Variants in SGSM3 observed in about 807,000 individuals in gnomAD.
SGSM3 encodes small G protein signaling modulator 3.
A neutral mutation model predicts 100.5 loss-of-function variants in SGSM3; 96 were observed. That is an observed-to-expected ratio of 0.96 (90% CI 0.81 to 1.13). The LOEUF is 1.13. Ranked by LOEUF, SGSM3 falls within the 50% of genes most tolerant of loss-of-function variation. SGSM3 has a pLI of 0.00. For synonymous variants in SGSM3, 483 were observed against 422.8 expected (o/e 1.14, Z -1.75); for missense variants, 1,001 against 1,015.8 (o/e 0.99, Z 0.20).
Position 40,399,221 on chromosome 22 carries a change from A to G in SGSM3, c.-111-1475A>G, listed in dbSNP as rs9607713. Among the ~76,000 whole-genome samples the G allele has an allele frequency of 5.1e-5, 5 of 98,048 alleles. 1 individual carries two copies. The highest frequency in any genetic ancestry group is 1.5e-4 in the Admixed American group (1 of 6,526). 64.3% of individuals were successfully genotyped at this position (98,048 alleles called of 152,430 possible). A position where few individuals can be genotyped will look rare whatever the true frequency, so the allele number is the denominator to read the frequency against. ...AGCTGGTCTCAAACTCCTGGCCTCA[A>G]GTGATCCGCCCACCTCAGCCTCCCA... On this transcript the variant is annotated intron_variant, in intron 1 of 21. Transcript: ENST00000248929.
At chr22:40,392,884 C>G (rs1329780788) in intron 1 of SGSM3, among the ~76,000 whole-genome samples, 1 of 152,156 alleles carries the variant, frequency 6.6e-6, no homozygotes, top group East Asian at 1.9e-4. Flanking sequence ...TACTTTCAGT[C>G]TTTATGGATT....
At chr22:40,405,393 C>T in intron 7 of SGSM3, 109 bp downstream of exon 7, 1 of 1,155,936 alleles carries the variant, frequency 8.7e-7, no homozygotes, top group Non-Finnish European at 1.2e-6. Flanking sequence ...TCCTCCAGGA[C>T]CCCTAACAAG....
chr22:40,392,482 G>C (rs2049489928), intron 1 of SGSM3, among the ~76,000 whole-genome samples: 1 of 152,012 alleles, frequency 6.6e-6, no homozygotes, highest in South Asian at 2.1e-4. Context: ...CCTTGGTTTT[G>C]TATAAGCATT....
chr22:40,410,116 CCTGTCTTCTGTGCAGCTAG>C lies in SGSM3; in HGVS notation c.*358_*376del, dbSNP rs1342363853. 5.2e-6 allele frequency: 6 copies of C among 1,152,624 alleles called. No individual in the cohort carries two copies. The South Asian group carries it at 9.3e-5, about 18-fold the overall frequency. The allele number at this position is 1,152,624 out of a possible 1,614,324, so 71.4% of individuals were successfully genotyped here. A position where few individuals can be genotyped will look rare whatever the true frequency, so the allele number is the denominator to read the frequency against. The stretch of plus-strand genomic sequence containing the variant: ...GTGTCTGTCTTTGAGAAAGCACCTA[CCTGTCTTCTGTGCAGCTAG>C]GGCTGCAGAGCTGTATTCAGGTCCA... On this transcript the variant is annotated 3_prime_UTR_variant, in exon 22 of 22. Coordinates refer to ENST00000248929, the MANE Select transcript of SGSM3 (RefSeq NM_015705.6).
chr22:40,409,814 AAGCTGCAGAGCCCAGGGAAGAGC>A lies in SGSM3; in HGVS notation c.*60_*82del. 6.3e-7 allele frequency: 1 copy of A among 1,576,568 alleles called. No homozygotes were observed. The highest frequency in any genetic ancestry group is 8.6e-7 in the Non-Finnish European group (1 of 1,166,242). On this transcript the variant is annotated 3_prime_UTR_variant, in exon 22 of 22. Transcript: ENST00000248929. ...TGCGTCTGAGGTGGCCCAGGACCCC[AAGCTGCAGAGCCCAGGGAAGAGC>A]AGCTCCAGAGCCCTGGCCGGGGCCG...
Position 40,402,129 on chromosome 22 carries a change from C to T in SGSM3, c.91-10C>T. 1 of 1,611,996 alleles carries T rather than the reference C, an allele frequency of 6.2e-7. No individual in the cohort carries two copies. Reference sequence around the variant, plus strand: ...ACAGGCAACTGACTTCAACCTCATCCTGATTCTAGAAGGAAGAGTCAGCAG... The same window carrying T: ...ACAGGCAACTGACTTCAACCTCATCTTGATTCTAGAAGGAAGAGTCAGCAG... On this transcript the variant is annotated splice_polypyrimidine_tract_variant and intron_variant, in intron 3 of 21. Coordinates refer to ENST00000248929, the MANE Select transcript of SGSM3 (RefSeq NM_015705.6).
At chr22:40,370,910 CTGCGTCCTCCGG>C (rs963060221) in intron 1 of SGSM3, among the ~76,000 whole-genome samples, 6 of 152,220 alleles carry the variant, frequency 3.9e-5, no homozygotes, top group African/African-American at 1.4e-4. Flanking sequence ...GGGAGGTCGG[CTGCGTCCTCCGG>C]TGCGGCCGCC....
intron 1 of SGSM3, among the ~76,000 whole-genome samples, chr22:40,383,961 A>G (rs1204379475): frequency 6.6e-6 from 1 of 152,210 alleles, no homozygotes; most frequent in Non-Finnish European, 1.5e-5. Context: ...TAAAAGCAGG[A>G]GCCAAGGCCA....
rs1341308767 is a variant in SGSM3, at chr22:40,409,473, G to A, written c.2120G>A (p.Cys707Tyr). Residue 707 changes from cysteine (C) to tyrosine (Y), a missense_variant, in exon 21 of 22, where the codon TGC becomes TAC. Cys to Tyr is a radical substitution (Grantham distance 194). Coordinates refer to ENST00000248929, the MANE Select transcript of SGSM3 (RefSeq NM_015705.6). ...CCCTTCCTCACCTCTAGAGTCCTCT[G>A]CTGCTTTGCCTTCAGCCTCTCCCAG... Reference protein sequence around the residue: ...VQIKCELRVLCCFAFSLSQDW... With the variant: ...VQIKCELRVLYCFAFSLSQDW... 6.3e-7 allele frequency: 1 copy of A among 1,581,570 alleles called. No individual in the cohort carries two copies. Among genetic ancestry groups the A allele is most frequent in the East Asian group, 2.3e-5 (1 of 44,374 alleles).
intron 1 of SGSM3, among the ~76,000 whole-genome samples, chr22:40,375,039 A>G (rs753938456): frequency 6.6e-6 from 1 of 152,190 alleles, no homozygotes; most frequent in Non-Finnish European, 1.5e-5. Flanking sequence ...TAGGCTTACT[A>G]ATTTATGCTC....
At position 40,404,662 on chromosome 22, in the gene SGSM3, C is replaced by T; in HGVS notation, c.472C>T (p.Gln158Ter). 1 of 1,606,460 alleles carries T rather than the reference C, an allele frequency of 6.2e-7. No homozygotes were observed. Among genetic ancestry groups the T allele is most frequent in the Non-Finnish European group, 8.5e-7 (1 of 1,174,636 alleles). The change falls in exon 6 of 22, where the codon CAG becomes TAG. Residue 158 changes from glutamine (Q) to a stop codon, truncating the protein, a stop_gained and splice_region_variant. Transcript: ENST00000248929. LOFTEE classifies it high-confidence loss of function. ...SSNDETIAAKQIEKDLLRTMP... is the reference protein window; with the variant it reads ...SSNDETIAAK Reference sequence around the variant, plus strand: ...CAACGATGAGACCATCGCTGCCAAGCAGGTGAGGCCGGTGGCACTGTGCAG... The same window carrying T: ...CAACGATGAGACCATCGCTGCCAAGTAGGTGAGGCCGGTGGCACTGTGCAG...
At chr22:40,401,784 T>C in intron 3 of SGSM3, 109 bp downstream of exon 3, 1 of 859,336 alleles carries the variant, frequency 1.2e-6, no homozygotes, top group South Asian at 1.3e-5. Context: ...CACAGGGTTA[T>C]GAGTTCCCCA....
chr22:40,397,451 G>A (rs2050188014), intron 1 of SGSM3, among the ~76,000 whole-genome samples: 1 of 151,944 alleles, frequency 6.6e-6, no homozygotes, highest in African/African-American at 2.4e-5. Flanking sequence ...ATTTCTCAGT[G>A]TTCCCACCAT....
chr22:40,400,415 C>T (rs977656517), intron 1 of SGSM3, among the ~76,000 whole-genome samples: 7 of 151,812 alleles, frequency 4.6e-5, no homozygotes, highest in South Asian at 2.1e-4. Context: ...AGGCCGAGGC[C>T]GGCGGGATCA....
At chr22:40,394,645 C>CGAA (rs2049818620) in intron 1 of SGSM3, among the ~76,000 whole-genome samples, 2 of 84,132 alleles carry the variant, frequency 2.4e-5, no homozygotes, top group Non-Finnish European at 4.6e-5. Flanking sequence ...ACTCCTGTCT[C>CGAA]AAAAAAAAAA....
In SGSM3 at chr22:40,407,307, A is replaced by G. The variant is rs1389337738; in HGVS notation, c.1347A>G (p.Thr449=). 3 of 1,613,438 alleles carry G rather than the reference A, an allele frequency of 1.9e-6. No individual in the cohort carries two copies. The highest frequency in any genetic ancestry group is 1.3e-5 in the African/African-American group (1 of 74,940). ...ILRVARHFQC[T]DPKNCSVELT... ...GCGTGGCACGCCACTTCCAGTGCAC[A>G]GACCCCAAAAACTGCAGCGTGGTGA... Residue 449 remains threonine (T), a synonymous_variant, in exon 12 of 22, where the codon ACA becomes ACG. Coordinates refer to ENST00000248929, the MANE Select transcript of SGSM3 (RefSeq NM_015705.6). The surrounding 1 kb of genome is among the most constrained non-coding windows in gnomAD (Gnocchi z 4.7).
Position 40,404,346 on chromosome 22 carries a change from A to T in SGSM3, c.257A>T (p.Asn86Ile), listed in dbSNP as rs2051152433. 1 of 1,601,922 alleles carries T rather than the reference A, an allele frequency of 6.2e-7. No individual in the cohort carries two copies. ...RWQAHLEFTH[N>I]HDVGDLTWDK... is the part of the protein sequence containing the mutation. Reference sequence around the variant, plus strand: ...CAGGCCCACCTGGAGTTCACCCATAACCACGATGTGGGGGATCTCACCTGG... The same window carrying T: ...CAGGCCCACCTGGAGTTCACCCATATCCACGATGTGGGGGATCTCACCTGG... The change falls in exon 5 of 22, where the codon AAC becomes ATC. Residue 86 changes from asparagine (N) to isoleucine (I), a missense_variant. Asn to Ile is a moderately radical substitution (Grantham distance 149). Transcript: ENST00000248929.
chr22:40,375,910 G>C (rs978320786), intron 1 of SGSM3, among the ~76,000 whole-genome samples: 1 of 151,904 alleles, frequency 6.6e-6, no homozygotes, highest in African/African-American at 2.4e-5. Flanking sequence ...ATATGGTGGC[G>C]TGTGCTTGTG....
chr22:40,410,182 G>C lies in SGSM3; in HGVS notation c.*423G>C. ...TCCAAGGTTCTGCCCTTCCTTGAGT[G>C]GTCTAGAAGGCACTGCGTGGCCCCT... On this transcript the variant is annotated 3_prime_UTR_variant, in exon 22 of 22. Transcript: ENST00000248929. The C allele has an allele frequency of 9.3e-7, 1 of 1,075,236 alleles. No individual in the cohort carries two copies. Among genetic ancestry groups the C allele is most frequent in the Admixed American group, 5.3e-5 (1 of 18,810 alleles). The allele number at this position is 1,075,236 out of a possible 1,614,324, so 66.6% of individuals were successfully genotyped here.
Sources: gnomAD v4.1 joint callset for allele counts (sites outside exome capture counted in the v4.1 genomes callset) on GRCh38, gnomAD v4.1.1 for gene constraint, Gnocchi (gnomAD v3.1) non-coding constraint, MANE v1.5 for transcripts, NCBI Gene and HGNC (gene_info 2026-07-23, HGNC 2026-07-21) for gene names.